Variants in ATP8A2 observed in about 807,000 individuals in gnomAD.
ATP8A2 encodes ATPase phospholipid transporting 8A2, also known as phospholipid-transporting ATPase IB.
ATP8A2 carries 100 observed loss-of-function variants against 165.6 expected under a neutral mutation model. That is an observed-to-expected ratio of 0.60 (90% CI 0.51 to 0.71). The LOEUF is 0.71. ATP8A2 is among the 30% of genes least tolerant of loss of function. The pLI, the probability that ATP8A2 is intolerant of heterozygous loss-of-function variation, is 0.00. For missense variants in ATP8A2, 1,227 were observed against 1,479.5 expected, an observed-to-expected ratio of 0.83 and a Z score of 2.80; for synonymous variants, 543 against 548.8, an observed-to-expected ratio of 0.99 and a Z score of 0.15.
intron 24 of ATP8A2, among the ~76,000 whole-genome samples, chr13:25,668,334 TA>T (rs201116309): frequency 0.011 from 1,744 of 152,294 alleles, 31 homozygotes; most frequent in African/African-American, 0.039. Context: ...TTCAGCTTTT[TA>T]AATATTTTAC....
rs573782232 is a variant in ATP8A2 at position 25,504,813 on chromosome 13, G to T, written c.222-25186G>T. On this transcript the variant is annotated intron_variant, in intron 2 of 36. Coordinates refer to ENST00000381655, the MANE Select transcript of ATP8A2 (RefSeq NM_016529.6). ...GTCACTTTATAGTGTGATGGGAAAG[G>T]TCACATGTAATAATCTATGGTCCTC... Among the ~76,000 whole-genome samples the T allele has an allele frequency of 4.0e-4, 60 of 150,824 alleles. No homozygotes were observed. The South Asian group carries it at 7.5e-3, about 19-fold the overall frequency.
At chr13:25,723,793 G>A (rs1328759098) in intron 25 of ATP8A2, among the ~76,000 whole-genome samples, 1 of 152,088 alleles carries the variant, frequency 6.6e-6, no homozygotes, top group Non-Finnish European at 1.5e-5. Context: ...CAGCTGGAAT[G>A]AGTTTTACTT....
intron 36 of ATP8A2, among the ~76,000 whole-genome samples, chr13:26,019,258 G>C (rs1043838315): frequency 6.6e-6 from 1 of 152,116 alleles, no homozygotes; most frequent in African/African-American, 2.4e-5. Flanking sequence ...ATAGCTGGGC[G>C]TGGTGGTGCA....
intron 2 of ATP8A2, 31 bp downstream of exon 2, chr13:25,469,152 G>A (rs765859369): frequency 4.3e-5 from 70 of 1,610,354 alleles, no homozygotes; most frequent in East Asian, 3.8e-4. Context: ...CGCGCGGAAG[G>A]CGGTGGAGTC....
chr13:25,774,206 A>G (rs1049017254), intron 26 of ATP8A2, among the ~76,000 whole-genome samples: 1 of 152,244 alleles, frequency 6.6e-6, no homozygotes, highest in African/African-American at 2.4e-5. Context: ...CAATACACAT[A>G]CACCATGGAA....
intron 23 of ATP8A2, among the ~76,000 whole-genome samples, chr13:25,582,658 A>G (rs901571438): frequency 1.1e-4 from 16 of 152,236 alleles, no homozygotes; most frequent in East Asian, 9.6e-4. Flanking sequence ...CTCTATTTCT[A>G]TATCTGTTTC....
chr13:25,420,510 G>T (rs994727461), intron 1 of ATP8A2, among the ~76,000 whole-genome samples: 4 of 152,182 alleles, frequency 2.6e-5, no homozygotes, highest in Non-Finnish European at 1.5e-5. Context: ...GATGCAATTT[G>T]GTGACTACAA....
chr13:25,399,483 C>G (rs974442796), intron 1 of ATP8A2, among the ~76,000 whole-genome samples: 8 of 126,614 alleles, frequency 6.3e-5, no homozygotes, highest in Admixed American at 1.8e-4. Context: ...ACTGCAAGCT[C>G]CGCCTCCTGG....
At chr13:25,678,793 C>T (rs1437962471) in intron 24 of ATP8A2, among the ~76,000 whole-genome samples, 1 of 152,192 alleles carries the variant, frequency 6.6e-6, no homozygotes, top group Non-Finnish European at 1.5e-5. Context: ...ACCTCTAAGG[C>T]TTCCTCATAA....
chr13:25,786,447 A>G (rs2045027767), intron 27 of ATP8A2, among the ~76,000 whole-genome samples: 1 of 152,234 alleles, frequency 6.6e-6, no homozygotes, highest in Admixed American at 6.5e-5. Flanking sequence ...AGAGCATGTC[A>G]GTGAAATATT....
chr13:25,769,166 T>A lies in ATP8A2; in HGVS notation c.2505T>A (p.Gly835=), dbSNP rs781779810. ...DVGMIQTAHV[G]VGISGNEGMQ... ...GGATGATCCAGACAGCCCACGTGGG[T>A]GTGGGAATCAGTGGGAATGAAGGCA... Residue 835 remains glycine (G), a synonymous_variant, in exon 26 of 37, where the codon GGT becomes GGA. Coordinates refer to ENST00000381655, the MANE Select transcript of ATP8A2 (RefSeq NM_016529.6). The A allele has an allele frequency of 1.2e-6, 2 of 1,613,738 alleles. No homozygotes were observed. The highest frequency in any genetic ancestry group is 1.7e-6 in the Non-Finnish European group (2 of 1,179,848).
At chr13:25,952,780 C>T (rs1022073551) in intron 33 of ATP8A2, among the ~76,000 whole-genome samples, 1 of 152,196 alleles carries the variant, frequency 6.6e-6, no homozygotes. Flanking sequence ...TGCACCTCAG[C>T]CAAGCCTTTA....
chr13:25,940,951 C>A lies in ATP8A2; in HGVS notation c.3184-20624C>A, dbSNP rs531683605. 4.6e-5 allele frequency among the ~76,000 whole-genome samples: 7 copies of A among 152,212 alleles called. No individual in the cohort carries two copies. In the South Asian group the frequency reaches 6.2e-4, roughly 13 times the overall value. On this transcript the variant is annotated intron_variant, in intron 33 of 36. Transcript: ENST00000381655. ...GCTGATTCACAGAGAGGGCTGGGCACGTGCCATGGTGTGCGGTAGCAGAGT... is the reference window on the plus strand; with the variant it reads ...GCTGATTCACAGAGAGGGCTGGGCAAGTGCCATGGTGTGCGGTAGCAGAGT...
chr13:25,794,820 T>TACACACACACACACACACAC lies in ATP8A2; in HGVS notation c.2679+19882_2679+19901dup, dbSNP rs3053488. On this transcript the variant is annotated intron_variant, in intron 27 of 36. Transcript: ENST00000381655. ...TTCTGCCCCAACGCATTCCCTCTCC[T>TACACACACACACACACACAC]ACACACACACACACACACACACACA... Among the ~76,000 whole-genome samples, 145 of 139,608 alleles carry TACACACACACACACACACAC rather than the reference T, an allele frequency of 1.0e-3. 2 individuals are homozygous for TACACACACACACACACACAC. The highest frequency in any genetic ancestry group is 2.4e-3 in the East Asian group (11 of 4,608). 91.6% of individuals were successfully genotyped at this position (139,608 alleles called of 152,430 possible).
At chr13:25,514,132 AT>A (rs2037389026) in intron 2 of ATP8A2, among the ~76,000 whole-genome samples, 1 of 151,758 alleles carries the variant, frequency 6.6e-6, no homozygotes, top group Non-Finnish European at 1.5e-5. Flanking sequence ...GCTTAGCTTT[AT>A]TTTTCACTTC....
chr13:26,008,861 C>T (rs1425123982), intron 35 of ATP8A2, among the ~76,000 whole-genome samples: 1 of 151,890 alleles, frequency 6.6e-6, no homozygotes, highest in Non-Finnish European at 1.5e-5. Flanking sequence ...TTGACCTTGT[C>T]AAATATGAAG....
At chr13:26,002,220 A>G (rs913269879) in intron 35 of ATP8A2, among the ~76,000 whole-genome samples, 5 of 152,182 alleles carry the variant, frequency 3.3e-5, no homozygotes, top group African/African-American at 1.2e-4. Flanking sequence ...CTGTTGTGCA[A>G]TAGATCTTAA....
At chr13:25,845,769 A>G (rs1951846712) in intron 30 of ATP8A2, among the ~76,000 whole-genome samples, 1 of 152,228 alleles carries the variant, frequency 6.6e-6, no homozygotes. Context: ...GTTTCATACC[A>G]TATAAATCCT....
chr13:25,878,088 A>G (rs1952867084), intron 33 of ATP8A2, among the ~76,000 whole-genome samples: 2 of 152,174 alleles, frequency 1.3e-5, no homozygotes, highest in Admixed American at 1.3e-4. Context: ...TACGCCCTTT[A>G]GATGAGAAAC....
Sources: allele counts gnomAD v4.1 joint callset (sites outside exome capture counted in the v4.1 genomes callset), GRCh38; gene constraint gnomAD v4.1.1; transcripts MANE v1.5; gene names NCBI Gene and HGNC (gene_info 2026-07-23, HGNC 2026-07-21).